ABCC6: variants seen among roughly 807,000 people sequenced by gnomAD.
ABCC6 encodes the protein ATP binding cassette subfamily C member 6, also known as ATP-binding cassette sub-family C member 6.
A neutral mutation model predicts 169.5 loss-of-function variants in ABCC6; 126 were observed. The ratio of observed to expected loss-of-function variants is 0.74; its 90% CI spans 0.64 to 0.86. The LOEUF is 0.86. Ranked by LOEUF, ABCC6 falls within the 40% of genes least tolerant of loss-of-function variation. ABCC6 has a pLI of 0.00. For missense variants in ABCC6, 1,733 were observed against 1,927.2 expected, an observed-to-expected ratio of 0.90 and a Z score of 1.89; for synonymous variants, 752 against 814.7, an observed-to-expected ratio of 0.92 and a Z score of 1.31.
chr16:16,195,303 ATTTTTTTTT>A (rs61393724), intron 10 of ABCC6, among the ~76,000 whole-genome samples: 1 of 96,574 alleles, frequency 1.0e-5, no homozygotes, highest in African/African-American at 3.9e-5. Flanking sequence ...GTCTCATCTA[ATTTTTTTTT>A]TTTTTTTTTT....
intron 10 of ABCC6, 130 bp from the exon 11 acceptor site, chr16:16,193,052 C>T (rs2047917787): frequency 1.3e-6 from 1 of 742,716 alleles, no homozygotes; most frequent in Non-Finnish European, 2.3e-6. Context: ...GGCTGCATTC[C>T]CAGACGGTTA....
Position 16,203,628 on chromosome 16 carries a change from G to C in ABCC6, c.795-15C>G. ...CCTTGTTGTGCCTGAGGGGAAGGGA[G>C]AGATTAGCTCTGGGTCCCATTTTAT... On this transcript the variant is annotated splice_polypyrimidine_tract_variant and intron_variant, in intron 7 of 30. Coordinates refer to ENST00000205557, the MANE Select transcript of ABCC6 (RefSeq NM_001171.6). 2 of 1,613,820 alleles carry C rather than the reference G, an allele frequency of 1.2e-6. No homozygotes were observed. Among genetic ancestry groups the C allele is most frequent in the East Asian group, 4.5e-5 (2 of 44,888 alleles).
Position 16,159,632 on chromosome 16 carries a change from G to A in ABCC6, c.3634-49C>T, listed in dbSNP as rs1326420500. On this transcript the variant is annotated intron_variant, in intron 25 of 30. Transcript: ENST00000205557. Reference sequence around the variant, plus strand: ...CTGGGTTTGGCAAGGCCACTTGAGGGCTTGCAACAGCCCCCCTGGTTTCCC... The same window carrying A: ...CTGGGTTTGGCAAGGCCACTTGAGGACTTGCAACAGCCCCCCTGGTTTCCC... 2.0e-6 allele frequency: 3 copies of A among 1,538,066 alleles called. No homozygotes were observed. In the South Asian group the frequency reaches 3.4e-5, roughly 17 times the overall value.
At chr16:16,161,720 T>G (rs1413882876) in intron 24 of ABCC6, among the ~76,000 whole-genome samples, 156 bp from the exon 25 acceptor site, 1 of 152,150 alleles carries the variant, frequency 6.6e-6, no homozygotes, top group Non-Finnish European at 1.5e-5. Flanking sequence ...TAGAGGAAGA[T>G]GACACCGTCC....
intron 20 of ABCC6, among the ~76,000 whole-genome samples, chr16:16,175,197 C>T (rs1045561724): frequency 1.4e-4 from 22 of 152,268 alleles, no homozygotes; most frequent in African/African-American, 5.3e-4. Context: ...GAGAAGTGCC[C>T]TCAGGGTGGC....
intron 21 of ABCC6, among the ~76,000 whole-genome samples, chr16:16,170,226 G>A (rs1048339995): frequency 3.3e-5 from 5 of 151,772 alleles, no homozygotes; most frequent in Admixed American, 1.3e-4. Flanking sequence ...TCAGCCTCCC[G>A]AGTAGTCAGG....
chr16:16,152,237 T>G (rs2046407898), intron 29 of ABCC6, among the ~76,000 whole-genome samples: 1 of 108,122 alleles, frequency 9.2e-6, no homozygotes, highest in South Asian at 3.5e-4. Context: ...TGTCACAGAA[T>G]AAGCCCTTGG....
intron 7 of ABCC6, among the ~76,000 whole-genome samples, chr16:16,205,430 A>T (rs1419232975): frequency 3.3e-5 from 5 of 152,092 alleles, no homozygotes; most frequent in African/African-American, 9.7e-5. Context: ...ATAATAATAA[A>T]AAAAGAAGCA....
At chr16:16,184,425 G>A (rs1329192775) in intron 15 of ABCC6, among the ~76,000 whole-genome samples, 1 of 152,036 alleles carries the variant, frequency 6.6e-6, no homozygotes, top group East Asian at 1.9e-4. Context: ...AGAACAGAGC[G>A]TGGCCCATAC....
chr16:16,178,812 GT>G lies in ABCC6; in HGVS notation c.2400del (p.Leu801TyrfsTer10). On this transcript the variant is annotated frameshift_variant, in exon 18 of 31. Coordinates refer to ENST00000205557, the MANE Select transcript of ABCC6 (RefSeq NM_001171.6). LOFTEE classifies it high-confidence loss of function. ...HVFNQVIGPGGLLQGTTRILV... is the reference protein window; with the variant it reads ...HVFNQVIGPGXLLQGTTRILV... ...CCCAAACTTACTGTTCCCTGGAGTA[GT>G]CCACCAGGCCCAATGACCTGGTTGA... is the stretch of plus-strand genomic sequence containing the variant. The G allele has an allele frequency of 6.2e-7, 1 of 1,613,830 alleles. No individual in the cohort carries two copies. Among genetic ancestry groups the G allele is most frequent in the Non-Finnish European group, 8.5e-7 (1 of 1,180,010 alleles).
chr16:16,150,162 T>A lies in ABCC6; in HGVS notation c.4483A>T (p.Arg1495Ter), dbSNP rs2152206695. Reference sequence around the variant, plus strand: ...ACCAGGCCTGACTCCTGGGCCAGTCTGTAAAACAGGCCCTTCTGGGCCAGC... The same window carrying A: ...ACCAGGCCTGACTCCTGGGCCAGTCAGTAAAACAGGCCCTTCTGGGCCAGC... The part of the protein sequence containing the change: ...QLLAQKGLFY[R>*]LAQESGLV Residue 1495 changes from arginine (R) to a stop codon, truncating the protein, a stop_gained, in exon 31 of 31, where the codon AGA (arginine) becomes TGA (stop). Transcript: ENST00000205557. LOFTEE classifies it high-confidence loss of function. 1 of 1,613,196 alleles carries A rather than the reference T, an allele frequency of 6.2e-7. No homozygotes were observed. Among genetic ancestry groups the A allele is most frequent in the Non-Finnish European group, 8.5e-7 (1 of 1,180,030 alleles).
intron 21 of ABCC6, among the ~76,000 whole-genome samples, chr16:16,172,066 TGGGTGG>T: frequency 5.5e-5 from 1 of 18,162 alleles, no homozygotes; most frequent in African/African-American, 2.1e-4. Flanking sequence ...GATAAATGAG[TGGGTGG>T]GATGGATAAA....
rs114175094 is a variant in ABCC6, at chr16:16,157,750, G to C, written c.3795C>G (p.Ile1265Met). The change falls in exon 27 of 31, where the codon ATC becomes ATG. Residue 1265 changes from isoleucine (I) to methionine (M), a missense_variant. Around this residue, in one of 5 missense-constraint regions of ABCC6, gnomAD observed 1,601 missense variants for 1,635.5 expected, o/e 0.98. Coordinates refer to ENST00000205557, the MANE Select transcript of ABCC6 (RefSeq NM_001171.6). The part of the protein sequence containing the change: ...AQPPWPQGGQ[I>M]EFRDFGLRYR... ...ATCTTAGCCCAAAGTCCCGGAACTC[G>C]ATCTGCCCGCCCTGAGGCCAGGGGG... The C allele has an allele frequency of 3.7e-6, 6 of 1,613,848 alleles. No homozygotes were observed. Among genetic ancestry groups the C allele is most frequent in the Non-Finnish European group, 5.1e-6 (6 of 1,179,966 alleles).
intron 5 of ABCC6, among the ~76,000 whole-genome samples, chr16:16,212,759 A>T (rs2048683305): frequency 6.6e-6 from 1 of 152,112 alleles, no homozygotes; most frequent in African/African-American, 2.4e-5. Flanking sequence ...AAGAAATAAC[A>T]GTGGCTCAGA....
intron 7 of ABCC6, among the ~76,000 whole-genome samples, chr16:16,207,604 C>G (rs1183139986): frequency 6.6e-6 from 1 of 152,066 alleles, no homozygotes. Context: ...TCTGCAACAA[C>G]TACCACAAAA....
chr16:16,165,625 G>C lies in ABCC6; in HGVS notation c.3304C>G (p.Gln1102Glu). Residue 1102 changes from glutamine (Q) to glutamate (E), a missense_variant and splice_region_variant, in exon 23 of 31, where the codon CAG becomes GAG. Around this residue, in one of 5 missense-constraint regions of ABCC6, gnomAD observed 1,601 missense variants for 1,635.5 expected, o/e 0.98. Coordinates refer to ENST00000205557, the MANE Select transcript of ABCC6 (RefSeq NM_001171.6). ...AAGCCTCCCTGACCTCTCCGTACCTGAAACCCAGCGTAGAGGAGAAACAGT... is the reference window on the plus strand; with the variant it reads ...AAGCCTCCCTGACCTCTCCGTACCTCAAACCCAGCGTAGAGGAGAAACAGT... ...LPLFLLYAGFQSLYVVSSCQL... is the reference protein window; with the variant it reads ...LPLFLLYAGFESLYVVSSCQL... 1 of 1,613,124 alleles carries C rather than the reference G, an allele frequency of 6.2e-7. No homozygotes were observed. Among genetic ancestry groups the C allele is most frequent in the African/African-American group, 1.3e-5 (1 of 75,058 alleles).
In ABCC6 at chr16:16,150,628, G is replaced by A; in HGVS notation, c.4353C>T (p.Cys1451=). ...QAMLGSWFAQ[C]TVLLIAHRLR... is the part of the protein sequence containing the mutation. ...GGCGGTGGGCAATGAGCAGCACAGT[G>A]CACTGTGCAAACCAGCTCCCGAGCA... Residue 1451 remains cysteine (C), a synonymous_variant, in exon 30 of 31, where the codon TGC becomes TGT. Coordinates refer to ENST00000205557, the MANE Select transcript of ABCC6 (RefSeq NM_001171.6). 1.2e-6 allele frequency: 2 copies of A among 1,613,580 alleles called. No homozygotes were observed. Among genetic ancestry groups the A allele is most frequent in the Non-Finnish European group, 1.7e-6 (2 of 1,179,942 alleles).
chr16:16,184,859 G>T lies in ABCC6; in HGVS notation c.1943+100C>A. ...AGCCAAACCCACCCTCCAGTCCCAG[G>T]CTGGAAACCTACACCACCTCTCAGG... On this transcript the variant is annotated intron_variant, in intron 15 of 30. Transcript: ENST00000205557. The T allele has an allele frequency of 4.5e-6, 6 of 1,328,232 alleles. No individual in the cohort carries two copies. The Admixed American group carries it at 8.4e-5, about 19-fold the overall frequency. The allele number at this position is 1,328,232 out of a possible 1,614,324, so 82.3% of individuals were successfully genotyped here. A position where few individuals can be genotyped will look rare whatever the true frequency, so the allele number is the denominator to read the frequency against.
chr16:16,180,455 A>C (rs2047429839), intron 17 of ABCC6, among the ~76,000 whole-genome samples: 1 of 152,042 alleles, frequency 6.6e-6, no homozygotes, highest in Non-Finnish European at 1.5e-5. Context: ...TATTCCTTCT[A>C]TCTAGGCCTT....
Sources: gnomAD v4.1 joint callset for allele counts (sites outside exome capture counted in the v4.1 genomes callset) on GRCh38, gnomAD v4.1.1 for gene constraint, gnomAD v4.1.1 regional missense constraint, MANE v1.5 for transcripts, NCBI Gene and HGNC (gene_info 2026-07-23, HGNC 2026-07-21) for gene names.